Variants in SLA observed in about 807,000 individuals in gnomAD.
The protein encoded by SLA is src-like-adapter.
In SLA, 16 loss-of-function variants were observed where a neutral mutation model predicts 30.3. The observed-to-expected ratio is 0.53, with a 90% CI of 0.36 to 0.80. The LOEUF is 0.80. Among genes scored for constraint, SLA ranks in the 30% least tolerant of loss-of-function variants. SLA has a pLI of 0.01. For synonymous variants in SLA, 143 were observed against 137.8 expected (o/e 1.04, Z -0.26); for missense variants, 310 against 345.2 (o/e 0.90, Z 0.81).
intron 2 of SLA, among the ~76,000 whole-genome samples, chr8:133,067,885 AGTATGTATG>A (rs1564145521): frequency 0.26 from 34,455 of 131,566 alleles, 4,359 homozygotes; most frequent in African/African-American, 0.3. Context: ...GAAGGAAGGA[AGTATGTATG>A]GAAGGAAGGA....
At chr8:133,075,197 G>T in intron 1 of SLA, 67 bp from the exon 2 acceptor site, 1 of 859,622 alleles carries the variant, frequency 1.2e-6, no homozygotes, top group East Asian at 1.2e-4. Context: ...CTTAACTCTG[G>T]ATTCTGGAAT....
intron 1 of SLA, among the ~76,000 whole-genome samples, chr8:133,099,971 A>G: frequency 6.6e-6 from 1 of 151,974 alleles, no homozygotes; most frequent in South Asian, 2.1e-4. Flanking sequence ...AAGTCAGACC[A>G]TTTTACTCCT....
At chr8:133,059,265 C>T (rs1291564899) in intron 3 of SLA, 2 of 383,468 alleles carry the variant, frequency 5.2e-6, no homozygotes, top group African/African-American at 4.2e-5. Context: ...CCAAGGTGCC[C>T]CCTGGCTTCC....
intron 3 of SLA, among the ~76,000 whole-genome samples, chr8:133,059,666 T>C (rs1262594926): frequency 2.6e-5 from 4 of 152,114 alleles, no homozygotes; most frequent in African/African-American, 4.8e-5. Flanking sequence ...CAGATCCAGC[T>C]CTTGCGGGGC....
Position 133,038,654 on chromosome 8 carries a change from G to A in SLA, c.701C>T (p.Ala234Val). The change falls in exon 9 of 9, where the codon GCC (alanine) becomes GTC (valine). Residue 234 changes from alanine to valine, a missense_variant. Coordinates refer to ENST00000338087, the MANE Select transcript of SLA (RefSeq NM_001045556.3). ...CTCACTGGTCAGGGACAGGTAAGAGGCAATGCTCTCTCGAAGGCCATAGCT... is the reference window on the plus strand; with the variant it reads ...CTCACTGGTCAGGGACAGGTAAGAGACAATGCTCTCTCGAAGGCCATAGCT... ...LFSYGLRESI[A>V]SYLSLTSEDN... 3 of 1,613,630 alleles carry A rather than the reference G, an allele frequency of 1.9e-6. No individual in the cohort carries two copies. Among genetic ancestry groups the A allele is most frequent in the Non-Finnish European group, 2.5e-6 (3 of 1,179,602 alleles).
intron 2 of SLA, chr8:133,073,385 C>T (rs914522195): frequency 3.9e-5 from 6 of 151,988 alleles, no homozygotes; most frequent in South Asian, 2.1e-4. Flanking sequence ...GATGAAGTTT[C>T]GCTATTGTTG....
chr8:133,077,154 C>A (rs532108176), intron 1 of SLA, among the ~76,000 whole-genome samples: 10 of 152,230 alleles, frequency 6.6e-5, no homozygotes, highest in Admixed American at 5.2e-4. Flanking sequence ...CAAGCCAGGG[C>A]ATGAGAGGTG....
At chr8:133,048,866 A>AT (rs1839927239) in intron 5 of SLA, 1 of 186,356 alleles carries the variant, frequency 5.4e-6, no homozygotes, top group African/African-American at 2.3e-5. Flanking sequence ...AACTCGCAGA[A>AT]TTCCAGTCTT....
At chr8:133,065,448 G>A (rs1487695093) in intron 2 of SLA, among the ~76,000 whole-genome samples, 1 of 152,166 alleles carries the variant, frequency 6.6e-6, no homozygotes, top group Non-Finnish European at 1.5e-5. Flanking sequence ...AACCCAAGAA[G>A]GCAACAGAAA....
Position 133,060,132 on chromosome 8 carries a change from G to A in SLA, c.29C>T (p.Ala10Val), listed in dbSNP as rs768563090. 15 of 1,610,572 alleles carry A rather than the reference G, an allele frequency of 9.3e-6. No homozygotes were observed. Among genetic ancestry groups the A allele is most frequent in the South Asian group, 2.2e-5 (2 of 90,502 alleles). Reference protein sequence around the residue: MGNSMKSTPAPAERPLPNPE... With the variant: MGNSMKSTPVPAERPLPNPE... ...GTTGGGCAGGGGCCTCTCGGCAGGC[G>A]CAGGGGTGGATTTCATGCTGTTTCC... is the stretch of plus-strand genomic sequence containing the variant. The change falls in exon 3 of 9, where the codon GCG becomes GTG. Residue 10 changes from alanine to valine, a missense_variant. Physicochemically the swap from Ala to Val is moderately conservative, Grantham distance 64 (BLOSUM62 0). Transcript: ENST00000338087.
At chr8:133,091,283 CA>C (rs751916540) in intron 1 of SLA, among the ~76,000 whole-genome samples, 11 of 152,228 alleles carry the variant, frequency 7.2e-5, no homozygotes, top group Admixed American at 2.0e-4. Flanking sequence ...CTGGGCTTCC[CA>C]TCCTTCCCCT....
chr8:133,050,218 G>T, intron 4 of SLA: 1 of 539,206 alleles, frequency 1.9e-6, no homozygotes, highest in Non-Finnish European at 3.3e-6. Context: ...CCTCCCATGT[G>T]CTAGAAATAG....
At chr8:133,090,743 A>T (rs889495824) in intron 1 of SLA, among the ~76,000 whole-genome samples, 4 of 152,328 alleles carry the variant, frequency 2.6e-5, no homozygotes, top group South Asian at 2.1e-4. Context: ...TCCATTTTAC[A>T]GGTTAGGAAC....
chr8:133,078,170 T>C lies in SLA; in HGVS notation c.-318-3040A>G, dbSNP rs78669533. On this transcript the variant is annotated intron_variant, in intron 1 of 8. Coordinates refer to ENST00000338087, the MANE Select transcript of SLA (RefSeq NM_001045556.3). ...CACCCATCCTTCCTCTCCACCATCATACACGTGACCCAAGAAGAGGAACTG... is the reference window on the plus strand; with the variant it reads ...CACCCATCCTTCCTCTCCACCATCACACACGTGACCCAAGAAGAGGAACTG... Among the ~76,000 whole-genome samples the C allele has an allele frequency of 2.9e-3, 440 of 152,310 alleles. 3 individuals are homozygous for C. Among genetic ancestry groups the C allele is most frequent in the African/African-American group, 0.01 (417 of 41,568 alleles).
intron 2 of SLA, among the ~76,000 whole-genome samples, chr8:133,072,395 A>G (rs4736623): frequency 0.19 from 29,368 of 152,188 alleles, 3,127 homozygotes; most frequent in Non-Finnish European, 0.24. Flanking sequence ...CGATCACATG[A>G]TGTGACCTCA....
At chr8:133,042,134 G>A (rs751052288) in intron 7 of SLA, among the ~76,000 whole-genome samples, 3 of 152,134 alleles carry the variant, frequency 2.0e-5, no homozygotes, top group Non-Finnish European at 4.4e-5. Flanking sequence ...TGAGCATCCC[G>A]AGATGAAGTA....
chr8:133,089,152 C>T (rs16904825), intron 1 of SLA, among the ~76,000 whole-genome samples: 44,451 of 151,982 alleles, frequency 0.29, 6,713 homozygotes, highest in African/African-American at 0.34. Flanking sequence ...TACAAGTCAC[C>T]GATGGGCTCC....
chr8:133,094,174 C>A (rs1848040116), intron 1 of SLA, among the ~76,000 whole-genome samples: 1 of 151,896 alleles, frequency 6.6e-6, no homozygotes, highest in Non-Finnish European at 1.5e-5. Context: ...AAAGTCCGGG[C>A]AGAGATGAAC....
At chr8:133,049,238 G>C (rs897327890) in intron 5 of SLA, 1 of 434,232 alleles carries the variant, frequency 2.3e-6, no homozygotes, top group Non-Finnish European at 4.6e-6. Flanking sequence ...AGTTTTCTAA[G>C]ATATCTCTTG....
Sources: allele counts gnomAD v4.1 joint callset (sites outside exome capture counted in the v4.1 genomes callset), GRCh38; gene constraint gnomAD v4.1.1; transcripts MANE v1.5; gene names NCBI Gene and HGNC (gene_info 2026-07-23, HGNC 2026-07-21).